Variants in ADGRL4 observed in about 807,000 individuals in gnomAD.
The protein encoded by ADGRL4 is adhesion G protein-coupled receptor L4.
In ADGRL4, 90 loss-of-function variants were observed where a neutral mutation model predicts 74.8. The ratio of observed to expected loss-of-function variants is 1.20; its 90% CI spans 1.02 to 1.43. ADGRL4 has a LOEUF of 1.43. Among genes scored for constraint, ADGRL4 ranks in the 40% most tolerant of loss-of-function variants. The probability of loss-of-function intolerance (pLI) is 0.00; values close to 1 mark genes in which losing one functional copy is unlikely to be tolerated. For missense variants in ADGRL4, 881 were observed against 814.3 expected (o/e 1.08, Z -1.00); for synonymous variants, 311 against 279.2 (o/e 1.11, Z -1.14).
At chr1:79,003,864 A>G in intron 2 of ADGRL4, among the ~76,000 whole-genome samples, 1 of 152,012 alleles carries the variant, frequency 6.6e-6, no homozygotes, top group East Asian at 1.9e-4. Flanking sequence ...TACACAATAC[A>G]TTTCTAAGAT....
chr1:78,936,872 A>G (rs1436377366), intron 6 of ADGRL4, among the ~76,000 whole-genome samples: 3 of 152,146 alleles, frequency 2.0e-5, no homozygotes, highest in Non-Finnish European at 4.4e-5. Context: ...TAATGCTTGA[A>G]ACTTTGATTT....
At chr1:78,980,974 A>T (rs988117134) in intron 2 of ADGRL4, among the ~76,000 whole-genome samples, 15 of 151,998 alleles carry the variant, frequency 9.9e-5, no homozygotes, top group Non-Finnish European at 2.2e-4. Context: ...CTTATGTTAG[A>T]AACTACCAGA....
At chr1:78,943,086 T>C (rs1299708044) in intron 3 of ADGRL4, among the ~76,000 whole-genome samples, 3 of 151,986 alleles carry the variant, frequency 2.0e-5, no homozygotes, top group African/African-American at 7.2e-5. Flanking sequence ...AGTTTTCTAA[T>C]GCGTAACTCA....
chr1:79,003,810 A>G (rs1359591108), intron 2 of ADGRL4, among the ~76,000 whole-genome samples: 1 of 152,064 alleles, frequency 6.6e-6, no homozygotes, highest in Non-Finnish European at 1.5e-5. Flanking sequence ...CAGTATTTTG[A>G]AGGTCACTCA....
chr1:78,998,694 T>C (rs1018790022), intron 2 of ADGRL4, among the ~76,000 whole-genome samples: 2 of 152,112 alleles, frequency 1.3e-5, no homozygotes, highest in Non-Finnish European at 2.9e-5. Flanking sequence ...CATATATATA[T>C]ATGATTGTTT....
intron 2 of ADGRL4, among the ~76,000 whole-genome samples, chr1:78,957,029 G>T (rs762044308): frequency 2.0e-5 from 3 of 152,202 alleles, no homozygotes; most frequent in Non-Finnish European, 4.4e-5. Flanking sequence ...ACTAGTTATT[G>T]CAATATGTGA....
intron 2 of ADGRL4, among the ~76,000 whole-genome samples, chr1:78,991,545 A>T (rs996954820): frequency 1.3e-5 from 2 of 152,036 alleles, no homozygotes; most frequent in African/African-American, 4.8e-5. Context: ...AATTTAGTGA[A>T]TAACTGAAAT....
At chr1:78,936,691 A>G (rs1189820207) in intron 6 of ADGRL4, among the ~76,000 whole-genome samples, 1 of 152,200 alleles carries the variant, frequency 6.6e-6, no homozygotes, top group Admixed American at 6.5e-5. Flanking sequence ...CTATAAAATT[A>G]TAATTACTAA....
intron 12 of ADGRL4, among the ~76,000 whole-genome samples, chr1:78,900,807 C>T (rs1648500617): frequency 6.6e-6 from 1 of 152,064 alleles, no homozygotes; most frequent in South Asian, 2.1e-4. Context: ...TCATAAATTA[C>T]CCGGTCTCAG....
intron 12 of ADGRL4, among the ~76,000 whole-genome samples, chr1:78,897,831 A>G (rs1161060035): frequency 6.6e-6 from 1 of 152,174 alleles, no homozygotes; most frequent in Non-Finnish European, 1.5e-5. Context: ...ATATTAAAAT[A>G]TTCAGCAAAT....
chr1:79,005,210 G>GA lies in ADGRL4; in HGVS notation c.31dup (p.Ser11PhefsTer24), dbSNP rs772787365. On this transcript the variant is annotated frameshift_variant, in exon 2 of 15. Transcript: ENST00000370742. LOFTEE classifies it high-confidence loss of function. ...AGTATAGGAACAATTCAACAAAGTG[G>GA]AAAAAACCACTAAATAAAATAGAGA... The GA allele has an allele frequency of 5.0e-6, 8 of 1,599,512 alleles. No individual in the cohort carries two copies. Among genetic ancestry groups the GA allele is most frequent in the East Asian group, 2.3e-5 (1 of 44,318 alleles).
intron 7 of ADGRL4, among the ~76,000 whole-genome samples, chr1:78,935,985 G>A (rs1213471019): frequency 1.3e-5 from 1 of 79,680 alleles, no homozygotes; most frequent in Non-Finnish European, 2.8e-5. Context: ...TTAGCCGGGC[G>A]TGATGGCGGG....
chr1:78,999,820 CTATCTATCTATCTATCTAT>C, intron 2 of ADGRL4, among the ~76,000 whole-genome samples: 1 of 149,418 alleles, frequency 6.7e-6, no homozygotes, highest in South Asian at 2.1e-4. Context: ...ATCTATCTAT[CTATCTATCTATCTATCTAT>C]CTACCTACCT....
At chr1:78,970,057 G>A (rs940172596) in intron 2 of ADGRL4, among the ~76,000 whole-genome samples, 9 of 152,112 alleles carry the variant, frequency 5.9e-5, no homozygotes, top group Non-Finnish European at 8.8e-5. Flanking sequence ...CCTAGCAAGC[G>A]TAACTGCAGC....
chr1:78,917,590 T>A (rs746864188), intron 12 of ADGRL4, 44 bp downstream of exon 12: 1 of 1,329,218 alleles, frequency 7.5e-7, no homozygotes, highest in Non-Finnish European at 1.0e-6. Flanking sequence ...CACCCTATGA[T>A]CATCACTTTT....
intron 1 of ADGRL4, among the ~76,000 whole-genome samples, chr1:79,005,437 C>T (rs1650938608): frequency 6.6e-6 from 1 of 152,022 alleles, no homozygotes; most frequent in African/African-American, 2.4e-5. Context: ...CAATTTCAAC[C>T]TTTATCAAGT....
chr1:78,946,229 CAAT>C, intron 3 of ADGRL4, 42 bp downstream of exon 3: 2 of 1,530,124 alleles, frequency 1.3e-6, no homozygotes, highest in Middle Eastern at 1.8e-4. Context: ...AGGTAACAAA[CAAT>C]AAGAGATATA....
intron 2 of ADGRL4, among the ~76,000 whole-genome samples, chr1:78,964,056 G>A (rs944610595): frequency 6.6e-6 from 1 of 152,130 alleles, no homozygotes; most frequent in African/African-American, 2.4e-5. Flanking sequence ...TTAACTAACA[G>A]TTCAGAACCT....
intron 12 of ADGRL4, among the ~76,000 whole-genome samples, chr1:78,905,567 C>T: frequency 6.6e-6 from 1 of 152,048 alleles, no homozygotes; most frequent in Admixed American, 6.6e-5. Context: ...AATACAAAAA[C>T]AAACAAATGA....
Sources: allele counts gnomAD v4.1 joint callset (sites outside exome capture counted in the v4.1 genomes callset), GRCh38; gene constraint gnomAD v4.1.1; transcripts MANE v1.5; gene names NCBI Gene and HGNC (gene_info 2026-07-23, HGNC 2026-07-21).